The following FOXP1 variants were observed in gnomAD, a reference collection of about 807,000 sequenced individuals.
FOXP1 encodes forkhead box P1.
A neutral mutation model predicts 98.2 loss-of-function variants in FOXP1; 15 were observed. That is an observed-to-expected ratio of 0.15 (90% confidence interval 0.10 to 0.24). The LOEUF is 0.24. Ranked by LOEUF, FOXP1 falls within the 10% of genes least tolerant of loss-of-function variation. FOXP1 has a pLI of 1.00. For missense variants in FOXP1, 633 were observed against 848.5 expected, an observed-to-expected ratio of 0.75 and a Z score of 3.15; for synonymous variants, 371 against 314.5, an observed-to-expected ratio of 1.18 and a Z score of -1.90.
intron 4 of FOXP1, among the ~76,000 whole-genome samples, chr3:71,345,871 T>TTAAAAAAAAAAAAAA (rs2077313594): frequency 1.8e-5 from 1 of 55,096 alleles, no homozygotes; most frequent in East Asian, 6.4e-4. Context: ...AAAGTTTTTG[T>TTAAAAAAAAAAAAAA]AAAAAAAAAA....
chr3:71,117,415 G>A (rs1217303209), intron 6 of FOXP1, among the ~76,000 whole-genome samples: 3 of 152,312 alleles, frequency 2.0e-5, no homozygotes, highest in Admixed American at 1.3e-4. Context: ...ACTGAGGAGT[G>A]AGAATGGACT....
At chr3:71,452,180 A>G (rs1458290888) in intron 3 of FOXP1, among the ~76,000 whole-genome samples, 1 of 152,096 alleles carries the variant, frequency 6.6e-6, no homozygotes, top group East Asian at 1.9e-4. Flanking sequence ...AATACCTACC[A>G]CTCTGCATCT....
At chr3:71,043,306 AGTT>A (rs1253023539) in intron 10 of FOXP1, among the ~76,000 whole-genome samples, 30 of 152,346 alleles carry the variant, frequency 2.0e-4, no homozygotes, top group African/African-American at 7.0e-4. Flanking sequence ...ATGAGCATTT[AGTT>A]ATTAGGCATA....
chr3:71,496,649 C>T (rs1237120476), intron 2 of FOXP1, among the ~76,000 whole-genome samples: 1 of 151,964 alleles, frequency 6.6e-6, no homozygotes, highest in Non-Finnish European at 1.5e-5. Context: ...GTGAAAATCC[C>T]TCTCTACTAA....
intron 11 of FOXP1, among the ~76,000 whole-genome samples, chr3:71,024,670 G>A (rs1367666725): frequency 3.9e-5 from 6 of 152,258 alleles, no homozygotes; most frequent in Admixed American, 1.3e-4. Flanking sequence ...CATGTGATAC[G>A]ATATTCATGA....
chr3:71,131,059 A>AAAG (rs569451855), intron 6 of FOXP1: 7 of 341,634 alleles, frequency 2.0e-5, no homozygotes, highest in Non-Finnish European at 2.5e-5. Flanking sequence ...AAGAAAAAAA[A>AAAG]AAGAAGAAGA....
intron 11 of FOXP1, among the ~76,000 whole-genome samples, chr3:71,026,481 G>A (rs776419980): frequency 2.6e-5 from 4 of 152,132 alleles, no homozygotes; most frequent in African/African-American, 9.7e-5. Flanking sequence ...AGAGCCTCAC[G>A]GTCGTTCTGG....
chr3:71,524,336 G>T (rs1351452603), intron 2 of FOXP1, among the ~76,000 whole-genome samples: 1 of 151,962 alleles, frequency 6.6e-6, no homozygotes, highest in Non-Finnish European at 1.5e-5. Context: ...GCACTCCAAC[G>T]TGGGTGCCAT....
intron 3 of FOXP1, among the ~76,000 whole-genome samples, chr3:71,431,091 T>C (rs541524022): frequency 1.3e-5 from 2 of 152,252 alleles, no homozygotes; most frequent in South Asian, 4.1e-4. Context: ...GGTGGACATG[T>C]CCCTTGCGTG....
intron 2 of FOXP1, among the ~76,000 whole-genome samples, chr3:71,579,518 A>T (rs2047982981): frequency 6.6e-6 from 1 of 152,198 alleles, no homozygotes; most frequent in Non-Finnish European, 1.5e-5. Flanking sequence ...TGTCAATCTA[A>T]AAAAAGAGGT....
chr3:71,289,296 C>T (rs2107486185), intron 5 of FOXP1, among the ~76,000 whole-genome samples: 1 of 152,142 alleles, frequency 6.6e-6, no homozygotes, highest in East Asian at 1.9e-4. Context: ...GCCTTGGCCT[C>T]CCAAAGTGCT....
chr3:71,427,767 C>T (rs527767862), intron 3 of FOXP1, among the ~76,000 whole-genome samples: 7 of 152,234 alleles, frequency 4.6e-5, no homozygotes, highest in Admixed American at 3.9e-4. Context: ...AAAGAGGATG[C>T]CTGGCTTTCA....
chr3:71,002,651 A>C (rs568151834), intron 12 of FOXP1, among the ~76,000 whole-genome samples: 1 of 152,162 alleles, frequency 6.6e-6, no homozygotes, highest in African/African-American at 2.4e-5. Flanking sequence ...GTTTTAGCCT[A>C]TGTTTTGGGG....
In FOXP1 at chr3:70,987,981, G is replaced by GA. The variant is rs765624735; in HGVS notation, c.1146+12dup. 23 of 1,612,846 alleles carry GA rather than the reference G, an allele frequency of 1.4e-5. No homozygotes were observed. The highest frequency in any genetic ancestry group is 3.3e-5 in the Admixed American group (2 of 59,992). ...GTTTTGTTTTTTTCCCCTTGGTGGG[G>GA]ATCAATACTTACGGGCTGAGGGGCG... On this transcript the variant is annotated intron_variant, in intron 14 of 20. Coordinates refer to ENST00000649528, the MANE Select transcript of FOXP1 (RefSeq NM_001349338.3).
intron 5 of FOXP1, among the ~76,000 whole-genome samples, chr3:71,226,624 T>C (rs1238209377): frequency 6.6e-6 from 1 of 151,880 alleles, no homozygotes; most frequent in Non-Finnish European, 1.5e-5. Context: ...TCATTCTGGC[T>C]CAATCTCTTT....
chr3:71,109,946 G>A (rs895768673), intron 7 of FOXP1, among the ~76,000 whole-genome samples: 1 of 152,090 alleles, frequency 6.6e-6, no homozygotes, highest in Non-Finnish European at 1.5e-5. Context: ...CTCTACTTGG[G>A]GGGTAGGGGA....
chr3:71,548,613 G>A (rs1294774395), intron 2 of FOXP1, among the ~76,000 whole-genome samples: 6 of 152,034 alleles, frequency 3.9e-5, no homozygotes, highest in Admixed American at 6.6e-5. Flanking sequence ...TGCCCAGGCT[G>A]GTCTCAAACT....
intron 13 of FOXP1, among the ~76,000 whole-genome samples, chr3:71,000,285 T>C (rs1281941346): frequency 7.7e-6 from 1 of 130,230 alleles, no homozygotes; most frequent in Non-Finnish European, 1.6e-5. Context: ...CCCAATGGGT[T>C]TCTAAATACT....
chr3:71,027,097 T>C (rs1343893962), intron 11 of FOXP1, among the ~76,000 whole-genome samples: 1 of 152,164 alleles, frequency 6.6e-6, no homozygotes, highest in Non-Finnish European at 1.5e-5. Flanking sequence ...AGCAACTGTG[T>C]CAATACAGAC....
Sources: gnomAD v4.1 joint callset for allele counts (sites outside exome capture counted in the v4.1 genomes callset) on GRCh38, gnomAD v4.1.1 for gene constraint, MANE v1.5 for transcripts, NCBI Gene and HGNC (gene_info 2026-07-23, HGNC 2026-07-21) for gene names.